Variants in PRICKLE1 observed in about 807,000 individuals in gnomAD.
PRICKLE1 encodes the protein prickle planar cell polarity protein 1, also known as prickle-like protein 1.
In PRICKLE1, 14 loss-of-function variants were observed where a neutral mutation model predicts 70.2. The ratio of observed to expected loss-of-function variants is 0.20; its 90% CI spans 0.13 to 0.31. The LOEUF (loss-of-function observed/expected upper bound fraction) is 0.31. PRICKLE1 is among the 10% of genes least tolerant of loss of function. The pLI is 1.00. For synonymous variants in PRICKLE1, 357 were observed against 379.9 expected (o/e 0.94, Z 0.70); for missense variants, 821 against 1,026.2 (o/e 0.80, Z 2.73).
At chr12:42,512,987 T>TGTA (rs1939541999) in intron 1 of PRICKLE1, among the ~76,000 whole-genome samples, 1 of 151,788 alleles carries the variant, frequency 6.6e-6, no homozygotes. Context: ...TATTTTTATA[T>TGTA]GTAGTTTCAC....
chr12:42,557,201 C>A (rs1940427139), intron 1 of PRICKLE1, among the ~76,000 whole-genome samples: 1 of 152,096 alleles, frequency 6.6e-6, no homozygotes, highest in Non-Finnish European at 1.5e-5. Flanking sequence ...ATGCACCTAG[C>A]TAAAATAATG....
At position 42,464,983 on chromosome 12, in the gene PRICKLE1, G is replaced by A; in HGVS notation, c.1051C>T (p.Leu351Phe). 6.2e-7 allele frequency: 1 copy of A among 1,614,062 alleles called. No homozygotes were observed. The highest frequency in any genetic ancestry group is 8.5e-7 in the Non-Finnish European group (1 of 1,179,982). The part of the protein sequence containing the change: ...RSADQCRQSL[L>F]LSPALNYKFP... Reference sequence around the variant, plus strand: ...TTGTAGTTCAGAGCAGGCGATAAGAGGAGAGACTGTCTACACTGATCTGCT... The same window carrying A: ...TTGTAGTTCAGAGCAGGCGATAAGAAGAGAGACTGTCTACACTGATCTGCT... Residue 351 changes from leucine to phenylalanine, a missense_variant, in exon 7 of 8, where the codon CTC becomes TTC. Coordinates refer to ENST00000345127, the MANE Select transcript of PRICKLE1 (RefSeq NM_153026.3). This position sits in a 1 kb window ranked among gnomAD's most constrained non-coding sequence, Gnocchi z 4.2.
intron 1 of PRICKLE1, among the ~76,000 whole-genome samples, chr12:42,492,571 C>G (rs1038380789): frequency 1.3e-5 from 2 of 152,162 alleles, no homozygotes; most frequent in Non-Finnish European, 2.9e-5. Context: ...GATTCCAAGA[C>G]CCTTTCTGCA....
At chr12:42,542,263 A>G (rs912040656) in intron 1 of PRICKLE1, among the ~76,000 whole-genome samples, 4 of 152,178 alleles carry the variant, frequency 2.6e-5, no homozygotes, top group Non-Finnish European at 4.4e-5. Context: ...ATGCTGTCAA[A>G]GAAAGTAAGA....
rs1937637944 is a variant in PRICKLE1, at chr12:42,457,847, G to C, written c.*1962C>G. 1 of 152,270 alleles carries C rather than the reference G, an allele frequency of 6.6e-6. No homozygotes were observed. Among genetic ancestry groups the C allele is most frequent in the African/African-American group, 2.4e-5 (1 of 41,464 alleles). 9.4% of individuals were successfully genotyped at this position (152,270 alleles called of 1,614,324 possible). ...AAGGAGACACTAAAACTGGGTAAGA[G>C]TGGTTACTTCTGGGGAGAGGACCTG... On this transcript the variant is annotated 3_prime_UTR_variant, in exon 8 of 8. Transcript: ENST00000345127.
At chr12:42,481,483 G>A (rs1938791071) in intron 1 of PRICKLE1, among the ~76,000 whole-genome samples, 2 of 152,192 alleles carry the variant, frequency 1.3e-5, no homozygotes. Flanking sequence ...AACAGATACT[G>A]ATTTGTGAAG....
chr12:42,519,932 A>G lies in PRICKLE1; in HGVS notation c.-48-47368T>C, dbSNP rs1939679878. ...AAGCCATCCTCCCACCTCAGCCTCC[A>G]GAGTAGTTTGGCCTACAGATGCGAG... On this transcript the variant is annotated intron_variant, in intron 1 of 7. Coordinates refer to ENST00000345127, the MANE Select transcript of PRICKLE1 (RefSeq NM_153026.3). Among the ~76,000 whole-genome samples, 4 of 152,252 alleles carry G rather than the reference A, an allele frequency of 2.6e-5. No individual in the cohort carries two copies. In the South Asian group the frequency reaches 8.3e-4, roughly 32 times the overall value.
In PRICKLE1 at chr12:42,464,858, A is replaced by G. The variant is rs571386763; in HGVS notation, c.1176T>C (p.Phe392=). The G allele has an allele frequency of 5.2e-4, 839 of 1,614,058 alleles. 15 individuals are homozygous for G. In the South Asian group the frequency reaches 8.8e-3, roughly 17 times the overall value. ...TTTCCTGCTCTACTCTGCCTTTCCA[A>G]AATTCTTCACTGGCAAAACTTGTTC... The part of the protein sequence containing the change: ...RQGTSFASEE[F]WKGRVEQETP... The change falls in exon 7 of 8, where the codon TTT becomes TTC. Residue 392 remains phenylalanine, a synonymous_variant. Coordinates refer to ENST00000345127, the MANE Select transcript of PRICKLE1 (RefSeq NM_153026.3). The surrounding 1 kb of genome is among the most constrained non-coding windows in gnomAD (Gnocchi z 4.2).
chr12:42,470,182 A>C, intron 3 of PRICKLE1, 64 bp downstream of exon 3: 1 of 1,193,254 alleles, frequency 8.4e-7, no homozygotes, highest in Non-Finnish European at 1.3e-6. Flanking sequence ...TATGAGCAGC[A>C]TCTCAATGCT....
chr12:42,531,634 G>A (rs12814387), intron 1 of PRICKLE1, among the ~76,000 whole-genome samples: 3 of 152,042 alleles, frequency 2.0e-5, no homozygotes, highest in Non-Finnish European at 2.9e-5. Context: ...TTAATACTTC[G>A]TAATTCACAT....
chr12:42,557,872 A>G (rs1222553704), intron 1 of PRICKLE1, among the ~76,000 whole-genome samples: 1 of 152,224 alleles, frequency 6.6e-6, no homozygotes, highest in Admixed American at 6.5e-5. Context: ...TTCAATCAAA[A>G]AGTGAACAGC....
chr12:42,535,144 G>C (rs1939995921), intron 1 of PRICKLE1, among the ~76,000 whole-genome samples: 1 of 152,122 alleles, frequency 6.6e-6, no homozygotes, highest in African/African-American at 2.4e-5. Context: ...TGGCACATCA[G>C]CTCAATTCTG....
At chr12:42,485,597 T>C (rs1287082325) in intron 1 of PRICKLE1, 1 of 152,192 alleles carries the variant, frequency 6.6e-6, no homozygotes, top group Non-Finnish European at 1.5e-5. Context: ...TACCTACCTA[T>C]AGGAGAAATG....
At chr12:42,496,047 C>T (rs1327090133) in intron 1 of PRICKLE1, among the ~76,000 whole-genome samples, 1 of 152,196 alleles carries the variant, frequency 6.6e-6, no homozygotes, top group Non-Finnish European at 1.5e-5. Flanking sequence ...GTTTACTTTG[C>T]CCAGATCCAC....
At chr12:42,524,272 C>A (rs1939762629) in intron 1 of PRICKLE1, among the ~76,000 whole-genome samples, 2 of 152,142 alleles carry the variant, frequency 1.3e-5, no homozygotes, top group African/African-American at 4.8e-5. Context: ...GCTATGTAAT[C>A]TTGATTGTTT....
At chr12:42,528,813 T>C (rs962064471) in intron 1 of PRICKLE1, among the ~76,000 whole-genome samples, 1 of 152,214 alleles carries the variant, frequency 6.6e-6, no homozygotes, top group African/African-American at 2.4e-5. Context: ...ATAACATGTA[T>C]GTGTAAGCTA....
chr12:42,536,811 A>G (rs1449747385), intron 1 of PRICKLE1, among the ~76,000 whole-genome samples: 1 of 152,114 alleles, frequency 6.6e-6, no homozygotes, highest in Non-Finnish European at 1.5e-5. Flanking sequence ...TTTCATCTTG[A>G]AGAGCTTTTC....
chr12:42,490,973 A>T (rs1566099727), intron 1 of PRICKLE1, among the ~76,000 whole-genome samples: 1 of 151,766 alleles, frequency 6.6e-6, no homozygotes, highest in Non-Finnish European at 1.5e-5. Context: ...GGGTTCAGGC[A>T]ATTTTCTTGT....
intron 1 of PRICKLE1, among the ~76,000 whole-genome samples, chr12:42,518,407 C>T (rs1158530602): frequency 6.6e-6 from 1 of 151,954 alleles, no homozygotes; most frequent in Non-Finnish European, 1.5e-5. Context: ...TTTTTTATAC[C>T]CTGGAGAATT....
Sources: gnomAD v4.1 joint callset for allele counts (sites outside exome capture counted in the v4.1 genomes callset) on GRCh38, gnomAD v4.1.1 for gene constraint, Gnocchi (gnomAD v3.1) non-coding constraint, MANE v1.5 for transcripts, NCBI Gene and HGNC (gene_info 2026-07-23, HGNC 2026-07-21) for gene names.